The following TMEM132D variants were observed in gnomAD, a reference collection of about 807,000 sequenced individuals.
The protein encoded by TMEM132D is mature OL transmembrane protein.
In TMEM132D, 21 loss-of-function variants were observed where a neutral mutation model predicts 62.3. The ratio of observed to expected loss-of-function variants is 0.34; its 90% CI spans 0.24 to 0.49. TMEM132D has a LOEUF of 0.49. Ranked by LOEUF, TMEM132D falls within the 20% of genes least tolerant of loss-of-function variation. The pLI, the probability that TMEM132D is intolerant of heterozygous loss-of-function variation, is 0.99. For synonymous variants in TMEM132D, 621 were observed against 575.6 expected, an observed-to-expected ratio of 1.08 and a Z score of -1.13; for missense variants, 1,346 against 1,402.8, an observed-to-expected ratio of 0.96 and a Z score of 0.65.
chr12:129,189,456 A>C (rs1026255153), intron 5 of TMEM132D, among the ~76,000 whole-genome samples: 1 of 152,062 alleles, frequency 6.6e-6, no homozygotes, highest in Non-Finnish European at 1.5e-5. Context: ...TGGGGGGTGA[A>C]GACTGCACAT....
At chr12:129,807,730 G>A (rs1235396936) in intron 1 of TMEM132D, among the ~76,000 whole-genome samples, 3 of 152,088 alleles carry the variant, frequency 2.0e-5, no homozygotes, top group Non-Finnish European at 4.4e-5. Context: ...GATTAGGTTC[G>A]GCCAATCTAG....
intron 1 of TMEM132D, among the ~76,000 whole-genome samples, chr12:129,805,306 A>G (rs998052883): frequency 1.3e-5 from 2 of 152,138 alleles, no homozygotes; most frequent in Non-Finnish European, 2.9e-5. Context: ...ACAAGGCTAC[A>G]GTAACCAAAA....
At chr12:129,410,228 G>A (rs1871924577) in intron 3 of TMEM132D, among the ~76,000 whole-genome samples, 2 of 152,140 alleles carry the variant, frequency 1.3e-5, no homozygotes, top group African/African-American at 4.8e-5. Context: ...GAGGGACAGG[G>A]GTTTCCACAC....
intron 5 of TMEM132D, among the ~76,000 whole-genome samples, chr12:129,141,195 G>A (rs1876732083): frequency 6.6e-6 from 1 of 152,194 alleles, no homozygotes; most frequent in Admixed American, 6.5e-5. Context: ...TCCTCAGCTT[G>A]TGTGATCCTT....
At chr12:129,708,691 A>T (rs1288185828) in intron 1 of TMEM132D, among the ~76,000 whole-genome samples, 1 of 151,890 alleles carries the variant, frequency 6.6e-6, no homozygotes, top group Admixed American at 6.6e-5. Flanking sequence ...CCAGAAAAAA[A>T]AAAAAATGAA....
At chr12:129,168,994 A>G (rs947440180) in intron 5 of TMEM132D, among the ~76,000 whole-genome samples, 9 of 152,228 alleles carry the variant, frequency 5.9e-5, no homozygotes, top group Admixed American at 5.9e-4. Context: ...TCTACTTTGT[A>G]TCACTCTAAG....
At chr12:129,462,804 T>C (rs569333635) in intron 3 of TMEM132D, among the ~76,000 whole-genome samples, 2 of 152,236 alleles carry the variant, frequency 1.3e-5, no homozygotes, top group East Asian at 1.9e-4. Context: ...GAATGGGAGG[T>C]TGAGGCAATA....
At chr12:129,524,579 G>A (rs1414545152) in intron 3 of TMEM132D, among the ~76,000 whole-genome samples, 3 of 152,170 alleles carry the variant, frequency 2.0e-5, no homozygotes, top group African/African-American at 4.8e-5. Context: ...CCAAAAAAAC[G>A]GCTGCAATTA....
intron 5 of TMEM132D, among the ~76,000 whole-genome samples, chr12:129,171,258 G>A (rs1341493431): frequency 3.3e-5 from 5 of 152,130 alleles, no homozygotes; most frequent in African/African-American, 7.2e-5. Context: ...TCTGTTCAAG[G>A]TTTGTCATGA....
chr12:129,797,564 A>T (rs547294780), intron 1 of TMEM132D, among the ~76,000 whole-genome samples: 8 of 152,238 alleles, frequency 5.3e-5, no homozygotes, highest in African/African-American at 1.7e-4. Context: ...GGAGGCAGGT[A>T]AGGTTCTGAA....
chr12:129,447,224 T>C (rs952765027), intron 3 of TMEM132D, among the ~76,000 whole-genome samples: 3 of 152,194 alleles, frequency 2.0e-5, no homozygotes, highest in Admixed American at 2.0e-4. Flanking sequence ...CAATTTTTTT[T>C]ACTGAAGAGG....
chr12:129,544,933 G>A (rs541197159), intron 2 of TMEM132D, among the ~76,000 whole-genome samples: 12 of 152,248 alleles, frequency 7.9e-5, no homozygotes, highest in South Asian at 4.1e-4. Flanking sequence ...CCGCACCAGC[G>A]ACCTCAGGAT....
At chr12:129,484,856 A>AG (rs942871597) in intron 3 of TMEM132D, among the ~76,000 whole-genome samples, 4 of 152,218 alleles carry the variant, frequency 2.6e-5, no homozygotes, top group Non-Finnish European at 4.4e-5. Context: ...AGAATTCAAA[A>AG]TTTTTTTAAG....
At chr12:129,524,800 A>G (rs1487502508) in intron 3 of TMEM132D, among the ~76,000 whole-genome samples, 1 of 151,742 alleles carries the variant, frequency 6.6e-6, no homozygotes, top group Non-Finnish European at 1.5e-5. Flanking sequence ...GGTTGCAGTG[A>G]GCGGAGACTG....
chr12:129,186,962 A>G (rs147641575), intron 5 of TMEM132D, among the ~76,000 whole-genome samples: 172 of 152,384 alleles, frequency 1.1e-3, no homozygotes, highest in African/African-American at 4.0e-3. Flanking sequence ...AATTTCTAAC[A>G]TAATGCATAT....
In TMEM132D at chr12:129,174,927, T is replaced by C. The variant is rs1035579739; in HGVS notation, c.1443+34593A>G. Among the ~76,000 whole-genome samples the C allele has an allele frequency of 1.3e-4, 20 of 152,220 alleles. 1 individual carries two copies. The highest frequency in any genetic ancestry group is 2.6e-4 in the Non-Finnish European group (18 of 68,042). ...TTTGCCCATTTTTTGAGGGGGTTGT[T>C]TTTTTCTTCTAAATTTGTTTAAGTT... On this transcript the variant is annotated intron_variant, in intron 5 of 8. Coordinates refer to ENST00000422113, the MANE Select transcript of TMEM132D (RefSeq NM_133448.3).
intron 2 of TMEM132D, among the ~76,000 whole-genome samples, chr12:129,660,961 T>C (rs990046560): frequency 6.6e-6 from 1 of 152,200 alleles, no homozygotes; most frequent in Non-Finnish European, 1.5e-5. Context: ...ACATCCATCC[T>C]ACATAATTTA....
intron 2 of TMEM132D, among the ~76,000 whole-genome samples, chr12:129,532,261 A>T (rs1263464823): frequency 6.6e-6 from 1 of 152,158 alleles, no homozygotes; most frequent in African/African-American, 2.4e-5. Flanking sequence ...ACCTAGGCAG[A>T]CGAGGATGGT....
At position 129,865,574 on chromosome 12, in the gene TMEM132D, C is replaced by T. The variant is rs1257428522; in HGVS notation, c.79+37687G>A. On this transcript the variant is annotated intron_variant, in intron 1 of 8. Transcript: ENST00000422113. Reference sequence around the variant, plus strand: ...TGCAATGAGCAGGCATGGAGGGAATCTGGGTTTCATTGTGAGTGCAATGGT... The same window carrying T: ...TGCAATGAGCAGGCATGGAGGGAATTTGGGTTTCATTGTGAGTGCAATGGT... Among the ~76,000 whole-genome samples the T allele has an allele frequency of 2.6e-5, 4 of 152,170 alleles. No homozygotes were observed. In the East Asian group the frequency reaches 7.7e-4, roughly 29 times the overall value.
Sources: allele counts gnomAD v4.1 joint callset (sites outside exome capture counted in the v4.1 genomes callset), GRCh38; gene constraint gnomAD v4.1.1; transcripts MANE v1.5; gene names NCBI Gene and HGNC (gene_info 2026-07-23, HGNC 2026-07-21).